The following GALNTL6 variants were observed in gnomAD, a reference collection of about 807,000 sequenced individuals.
GALNTL6 encodes the protein polypeptide N-acetylgalactosaminyltransferase like 6, also known as polypeptide N-acetylgalactosaminyltransferase-like 6.
GALNTL6 carries 46 observed loss-of-function variants against 73.7 expected under a neutral mutation model. The observed-to-expected ratio is 0.62, with a 90% CI of 0.49 to 0.80. GALNTL6 has a LOEUF of 0.80. Among genes scored for constraint, GALNTL6 ranks in the 30% least tolerant of loss-of-function variants. The pLI, the probability that GALNTL6 is intolerant of heterozygous loss-of-function variation, is 0.00. For missense variants in GALNTL6, 604 were observed against 755.0 expected, an observed-to-expected ratio of 0.80 and a Z score of 2.34; for synonymous variants, 259 against 263.7, an observed-to-expected ratio of 0.98 and a Z score of 0.17.
chr4:172,155,053 A>G (rs1273933621), intron 2 of GALNTL6, among the ~76,000 whole-genome samples: 1 of 150,726 alleles, frequency 6.6e-6, no homozygotes, highest in Non-Finnish European at 1.5e-5. Flanking sequence ...GCTGGAGTGC[A>G]GTGGCACAAT....
At chr4:172,328,683 T>A (rs1239180462) in intron 4 of GALNTL6, among the ~76,000 whole-genome samples, 5 of 152,226 alleles carry the variant, frequency 3.3e-5, no homozygotes, top group African/African-American at 1.2e-4. Flanking sequence ...TTTATTCTGC[T>A]GTTAATACTG....
intron 2 of GALNTL6, among the ~76,000 whole-genome samples, chr4:171,868,888 C>T (rs1206414055): frequency 6.6e-6 from 1 of 152,152 alleles, no homozygotes; most frequent in Non-Finnish European, 1.5e-5. Flanking sequence ...ACCATGTTGG[C>T]CAGGCTGGTC....
At chr4:172,269,717 A>T (rs547461935) in intron 3 of GALNTL6, among the ~76,000 whole-genome samples, 9 of 149,472 alleles carry the variant, frequency 6.0e-5, no homozygotes, top group African/African-American at 2.2e-4. Flanking sequence ...TCCTGTTTTT[A>T]TGCATTCTCT....
intron 5 of GALNTL6, among the ~76,000 whole-genome samples, chr4:172,522,682 A>T (rs1010473840): frequency 1.5e-5 from 2 of 137,310 alleles, no homozygotes; most frequent in Non-Finnish European, 3.1e-5. Flanking sequence ...CCCCCCCAAA[A>T]AAAAAGTGTA....
chr4:172,294,626 C>T (rs1474697393), intron 3 of GALNTL6, among the ~76,000 whole-genome samples: 2 of 151,584 alleles, frequency 1.3e-5, no homozygotes, highest in South Asian at 4.2e-4. Flanking sequence ...GATATTTTAA[C>T]AGACAAAAAA....
chr4:171,909,899 A>G (rs1737422476), intron 2 of GALNTL6, among the ~76,000 whole-genome samples: 1 of 152,194 alleles, frequency 6.6e-6, no homozygotes, highest in African/African-American at 2.4e-5. Flanking sequence ...AAAGCATCAA[A>G]GACAAACAAC....
At chr4:172,641,434 T>G (rs1434899113) in intron 5 of GALNTL6, among the ~76,000 whole-genome samples, 1 of 152,078 alleles carries the variant, frequency 6.6e-6, no homozygotes, top group Non-Finnish European at 1.5e-5. Context: ...ATCAGCTTAC[T>G]ACACTTCAGC....
chr4:172,873,301 T>C (rs1357041063), intron 7 of GALNTL6, among the ~76,000 whole-genome samples: 1 of 152,224 alleles, frequency 6.6e-6, no homozygotes, highest in Non-Finnish European at 1.5e-5. Context: ...CATTCAGTGC[T>C]TCCTCCTAGC....
chr4:172,538,036 G>A (rs1026545546), intron 5 of GALNTL6, among the ~76,000 whole-genome samples: 1 of 152,192 alleles, frequency 6.6e-6, no homozygotes, highest in Non-Finnish European at 1.5e-5. Context: ...GCACCAAGGT[G>A]AGGGTTGCAG....
intron 2 of GALNTL6, among the ~76,000 whole-genome samples, chr4:171,860,690 T>A (rs891250233): frequency 1.3e-5 from 2 of 152,200 alleles, no homozygotes; most frequent in African/African-American, 4.8e-5. Context: ...TTGATTTTAT[T>A]TGACCAATCA....
chr4:172,673,354 G>A (rs183256994), intron 5 of GALNTL6, among the ~76,000 whole-genome samples: 8 of 152,132 alleles, frequency 5.3e-5, no homozygotes, highest in South Asian at 2.1e-4. Context: ...TTATGATTTC[G>A]GTTCTTTTGC....
chr4:171,834,668 A>G (rs1735055382), intron 2 of GALNTL6, among the ~76,000 whole-genome samples: 1 of 152,032 alleles, frequency 6.6e-6, no homozygotes, highest in Non-Finnish European at 1.5e-5. Flanking sequence ...GAGGGAGGAA[A>G]CACTAGTGCT....
chr4:171,915,764 A>G (rs937922575), intron 2 of GALNTL6, among the ~76,000 whole-genome samples: 3 of 152,092 alleles, frequency 2.0e-5, no homozygotes, highest in Non-Finnish European at 4.4e-5. Context: ...TCACAGCTGA[A>G]ATTTTAAGGG....
intron 2 of GALNTL6, among the ~76,000 whole-genome samples, chr4:172,168,675 T>C (rs1248181303): frequency 6.6e-6 from 1 of 151,872 alleles, no homozygotes; most frequent in Non-Finnish European, 1.5e-5. Flanking sequence ...GTAATGGTGA[T>C]GGTGACATAA....
chr4:172,657,921 C>A (rs910684801), intron 5 of GALNTL6, among the ~76,000 whole-genome samples: 4 of 151,776 alleles, frequency 2.6e-5, no homozygotes, highest in African/African-American at 9.7e-5. Context: ...GAGGCCGAGG[C>A]AGGCGGATCA....
intron 5 of GALNTL6, among the ~76,000 whole-genome samples, chr4:172,655,607 A>G: frequency 6.6e-6 from 1 of 152,216 alleles, no homozygotes; most frequent in African/African-American, 2.4e-5. Context: ...CCGCCCTGAA[A>G]GCACGTCTTA....
intron 2 of GALNTL6, among the ~76,000 whole-genome samples, chr4:171,977,506 C>T (rs905019800): frequency 3.3e-5 from 5 of 151,136 alleles, no homozygotes; most frequent in East Asian, 2.0e-4. Context: ...CTTCTCTCTG[C>T]ATCTTCACGT....
At chr4:172,012,943 T>C (rs1741066623) in intron 2 of GALNTL6, among the ~76,000 whole-genome samples, 1 of 152,086 alleles carries the variant, frequency 6.6e-6, no homozygotes, top group East Asian at 1.9e-4. Flanking sequence ...GGTACAACCC[T>C]GTGTTGTCAC....
At chr4:171,939,819 T>C (rs333001) in intron 2 of GALNTL6, among the ~76,000 whole-genome samples, 150,462 of 152,204 alleles carry the variant, frequency 0.99, 74,386 homozygotes, top group Middle Eastern at 1. Context: ...ATGACCTACC[T>C]ACTAAGAACC....
Sources: gnomAD v4.1 joint callset for allele counts (sites outside exome capture counted in the v4.1 genomes callset) on GRCh38, gnomAD v4.1.1 for gene constraint, MANE v1.5 for transcripts, NCBI Gene and HGNC (gene_info 2026-07-23, HGNC 2026-07-21) for gene names.